Variants in IGF2BP3 observed in about 807,000 individuals in gnomAD.
IGF2BP3 encodes the protein insulin-like growth factor 2 mRNA-binding protein 3.
A neutral mutation model predicts 73.8 loss-of-function variants in IGF2BP3; 9 were observed. The observed-to-expected ratio is 0.12, with a 90% CI of 0.07 to 0.21. The LOEUF is 0.21. Among genes scored for constraint, IGF2BP3 ranks in the 10% least tolerant of loss-of-function variants. IGF2BP3 has a pLI of 1.00. For missense variants in IGF2BP3, 542 were observed against 714.0 expected, an observed-to-expected ratio of 0.76 and a Z score of 2.75; for synonymous variants, 258 against 256.7, an observed-to-expected ratio of 1.01 and a Z score of -0.05.
chr7:23,334,007 G>A (rs1163072445), intron 10 of IGF2BP3, among the ~76,000 whole-genome samples: 1 of 152,074 alleles, frequency 6.6e-6, no homozygotes, highest in African/African-American at 2.4e-5. Flanking sequence ...CATTAAATTG[G>A]CTCTCTGGTA....
intron 2 of IGF2BP3, among the ~76,000 whole-genome samples, chr7:23,460,218 A>G (rs374503957): frequency 7.0e-6 from 1 of 142,980 alleles, no homozygotes; most frequent in East Asian, 2.0e-4. Flanking sequence ...GTGAGCTCAC[A>G]CTCACCAGAA....
intron 2 of IGF2BP3, among the ~76,000 whole-genome samples, chr7:23,433,301 G>A (rs1403056534): frequency 1.3e-5 from 2 of 151,818 alleles, no homozygotes; most frequent in East Asian, 3.9e-4. Context: ...AAGCTGCTCT[G>A]TCCAATAAAG....
At chr7:23,444,469 G>A (rs1288421648) in intron 2 of IGF2BP3, among the ~76,000 whole-genome samples, 4 of 151,828 alleles carry the variant, frequency 2.6e-5, no homozygotes, top group Admixed American at 6.6e-5. Context: ...GGTCAGGTGC[G>A]GGGGCTCACA....
rs548157206 is a variant in IGF2BP3, at chr7:23,421,117, C to T, written c.237-2293G>A. 3.9e-5 allele frequency among the ~76,000 whole-genome samples: 6 copies of T among 152,276 alleles called. No homozygotes were observed. The South Asian group carries it at 1.0e-3, about 26-fold the overall frequency. ...CTCTGCCTCCCGGGTTCAGGCAATT[C>T]TCCCACCTCAGCCTCCTGCGTAGCT... On this transcript the variant is annotated intron_variant, in intron 2 of 14. Coordinates refer to ENST00000258729, the MANE Select transcript of IGF2BP3 (RefSeq NM_006547.3).
intron 3 of IGF2BP3, among the ~76,000 whole-genome samples, chr7:23,386,819 G>A (rs1786096985): frequency 6.6e-6 from 1 of 152,084 alleles, no homozygotes. Context: ...CATAATCCCA[G>A]CACTTTGGAG....
chr7:23,318,622 T>C (rs972455729), intron 11 of IGF2BP3, among the ~76,000 whole-genome samples: 1 of 152,236 alleles, frequency 6.6e-6, no homozygotes, highest in African/African-American at 2.4e-5. Flanking sequence ...TCTGGTATGT[T>C]ACCTTCTGTA....
At chr7:23,348,680 T>C (rs544709815) in intron 6 of IGF2BP3, among the ~76,000 whole-genome samples, 14 of 152,272 alleles carry the variant, frequency 9.2e-5, no homozygotes, top group Non-Finnish European at 1.9e-4. Flanking sequence ...CTGTACCTAC[T>C]AGATGCTAGT....
intron 3 of IGF2BP3, among the ~76,000 whole-genome samples, chr7:23,388,173 A>C (rs890223513): frequency 6.6e-6 from 1 of 151,990 alleles, no homozygotes; most frequent in Non-Finnish European, 1.5e-5. Context: ...TCCTGACCTC[A>C]AGATCCACCT....
At chr7:23,318,736 T>G (rs145720918) in intron 11 of IGF2BP3, among the ~76,000 whole-genome samples, 139 of 152,302 alleles carry the variant, frequency 9.1e-4, no homozygotes, top group Middle Eastern at 6.8e-3. Context: ...TATCCCACAG[T>G]AGCTAACAAG....
At chr7:23,349,094 T>A (rs1784899447) in intron 6 of IGF2BP3, among the ~76,000 whole-genome samples, 1 of 152,228 alleles carries the variant, frequency 6.6e-6, no homozygotes. Flanking sequence ...ATTTACATAT[T>A]TATATGTTTT....
chr7:23,440,143 G>A (rs2128544737), intron 2 of IGF2BP3, among the ~76,000 whole-genome samples: 1 of 152,048 alleles, frequency 6.6e-6, no homozygotes, highest in South Asian at 2.1e-4. Flanking sequence ...CGCGCCTGCA[G>A]TCCCAGCTAC....
chr7:23,416,738 G>A (rs921432316), intron 3 of IGF2BP3, among the ~76,000 whole-genome samples: 3 of 152,140 alleles, frequency 2.0e-5, no homozygotes, highest in East Asian at 1.9e-4. Flanking sequence ...CAAAACAAGC[G>A]GCATACCCAG....
rs1562666596 is a variant in IGF2BP3 at position 23,317,725 on chromosome 7, C to G, written c.1321-12G>C. The stretch of plus-strand genomic sequence containing the variant: ...TCCGCTGGAGCAATCTGTAACAGAC[C>G]CAACAACAAGTTATGATACTTTCAG... On this transcript the variant is annotated splice_polypyrimidine_tract_variant and intron_variant, in intron 11 of 14. Coordinates refer to ENST00000258729, the MANE Select transcript of IGF2BP3 (RefSeq NM_006547.3). 6 of 1,610,474 alleles carry G rather than the reference C, an allele frequency of 3.7e-6. No homozygotes were observed. Among genetic ancestry groups the G allele is most frequent in the Middle Eastern group, 1.6e-4 (1 of 6,072 alleles).
chr7:23,389,114 C>T (rs1223488164), intron 3 of IGF2BP3, among the ~76,000 whole-genome samples: 7 of 151,278 alleles, frequency 4.6e-5, no homozygotes, highest in Non-Finnish European at 7.4e-5. Context: ...ACTAATTCAA[C>T]GATTTAAGTT....
intron 10 of IGF2BP3, among the ~76,000 whole-genome samples, chr7:23,333,419 C>T (rs1000030100): frequency 6.6e-6 from 1 of 152,174 alleles, no homozygotes; most frequent in African/African-American, 2.4e-5. Context: ...GCCTGGAACA[C>T]GTCCAAGGCT....
chr7:23,422,869 C>T lies in IGF2BP3; in HGVS notation c.237-4045G>A, dbSNP rs534737088. On this transcript the variant is annotated intron_variant, in intron 2 of 14. Transcript: ENST00000258729. ...GGAGTATAGTAGCGTAATCTCGGCT[C>T]ACTGCAACCTCTGCCTCCCAGGTTC... Among the ~76,000 whole-genome samples the T allele has an allele frequency of 4.6e-5, 7 of 152,296 alleles. No individual in the cohort carries two copies. The East Asian group carries it at 1.2e-3, about 25-fold the overall frequency.
Position 23,468,792 on chromosome 7 carries a change from C to T in IGF2BP3, c.176-250G>A, listed in dbSNP as rs186537738. ...TTGGGTATCAGTCCAGTCTCCAAGC[C>T]TCCCCCACCCACCCCTGGGGGCCAC... On this transcript the variant is annotated intron_variant, in intron 1 of 14. Transcript: ENST00000258729. 3.3e-3 allele frequency among the ~76,000 whole-genome samples: 503 copies of T among 152,332 alleles called. 5 individuals are homozygous for T. The highest frequency in any genetic ancestry group is 0.011 in the African/African-American group (472 of 41,584).
intron 10 of IGF2BP3, among the ~76,000 whole-genome samples, chr7:23,326,994 C>A (rs1290209104): frequency 6.6e-6 from 1 of 150,724 alleles, no homozygotes. Flanking sequence ...GTGCAGGGCA[C>A]CAGCATGGCA....
Position 23,392,438 on chromosome 7 carries a change from A to G in IGF2BP3, c.285+26338T>C, listed in dbSNP as rs550808349. Among the ~76,000 whole-genome samples the G allele has an allele frequency of 2.4e-3, 355 of 148,482 alleles. 2 individuals are homozygous for G. Among genetic ancestry groups the G allele is most frequent in the Non-Finnish European group, 4.3e-3 (289 of 67,534 alleles). ...AGACAAGGACAGCTTATCATCATAT[A>G]TATATATATATATACACACACACAC... On this transcript the variant is annotated intron_variant, in intron 3 of 14. Coordinates refer to ENST00000258729, the MANE Select transcript of IGF2BP3 (RefSeq NM_006547.3).
Sources: gnomAD v4.1 joint callset for allele counts (sites outside exome capture counted in the v4.1 genomes callset) on GRCh38, gnomAD v4.1.1 for gene constraint, MANE v1.5 for transcripts, NCBI Gene and HGNC (gene_info 2026-07-23, HGNC 2026-07-21) for gene names.